The following SLC14A2 variants were observed in gnomAD, a reference collection of about 807,000 sequenced individuals.
The protein encoded by SLC14A2 is solute carrier family 14 member 2.
In SLC14A2, 91 loss-of-function variants were observed where a neutral mutation model predicts 104.6. The ratio of observed to expected loss-of-function variants is 0.87; its 90% CI spans 0.73 to 1.04. The LOEUF is 1.04. Among genes scored for constraint, SLC14A2 ranks in the 50% least tolerant of loss-of-function variants. The pLI is 0.00. For synonymous variants in SLC14A2, 476 were observed against 466.4 expected (o/e 1.02, Z -0.27); for missense variants, 1,189 against 1,156.0 (o/e 1.03, Z -0.41).
intron 2 of SLC14A2, among the ~76,000 whole-genome samples, chr18:45,531,586 G>C (rs2043688388): frequency 1.3e-5 from 2 of 152,168 alleles, no homozygotes; most frequent in Non-Finnish European, 2.9e-5. Context: ...GTTCATTGTA[G>C]ATTCTGGATA....
chr18:45,453,763 A>T (rs564693521), intron 1 of SLC14A2, among the ~76,000 whole-genome samples: 1 of 151,908 alleles, frequency 6.6e-6, no homozygotes, highest in South Asian at 2.1e-4. Flanking sequence ...CACATCTTGC[A>T]TTCACAGTGC....
At chr18:45,232,774 A>C (rs1233785615) in intron 1 of SLC14A2, among the ~76,000 whole-genome samples, 4 of 152,288 alleles carry the variant, frequency 2.6e-5, no homozygotes, top group African/African-American at 4.8e-5. Flanking sequence ...TAGCCAGCTC[A>C]AGGCTGGATG....
chr18:45,465,056 G>A (rs1395703627), intron 1 of SLC14A2, among the ~76,000 whole-genome samples: 1 of 152,116 alleles, frequency 6.6e-6, no homozygotes, highest in Non-Finnish European at 1.5e-5. Flanking sequence ...GACAATGGAA[G>A]GGACAGCTAG....
chr18:45,407,187 T>C (rs1222063084), intron 1 of SLC14A2, among the ~76,000 whole-genome samples: 1 of 152,236 alleles, frequency 6.6e-6, no homozygotes, highest in Non-Finnish European at 1.5e-5. Flanking sequence ...CCTTCATCAA[T>C]GATCTTGGCT....
At chr18:45,304,004 A>T (rs974084320) in intron 1 of SLC14A2, among the ~76,000 whole-genome samples, 14 of 152,204 alleles carry the variant, frequency 9.2e-5, no homozygotes, top group African/African-American at 3.4e-4. Context: ...AACCCAACTG[A>T]TGGAAGAGAT....
intron 2 of SLC14A2, among the ~76,000 whole-genome samples, chr18:45,558,523 T>A (rs1413979941): frequency 6.6e-6 from 1 of 152,046 alleles, no homozygotes; most frequent in Non-Finnish European, 1.5e-5. Flanking sequence ...AGAAACTGAG[T>A]GTAGAGCAGA....
chr18:45,175,661 G>A, the SLC14A2 span, among the ~76,000 whole-genome samples: 1 of 152,144 alleles, frequency 6.6e-6, no homozygotes, highest in Non-Finnish European at 1.5e-5. Context: ...GGTTCAGTAA[G>A]TCACACCACA....
intron 1 of SLC14A2, among the ~76,000 whole-genome samples, chr18:45,452,896 A>G (rs555367001): frequency 6.6e-6 from 1 of 152,350 alleles, no homozygotes; most frequent in South Asian, 2.1e-4. Flanking sequence ...TTAGAACTCA[A>G]GTGAAGGGCA....
chr18:45,316,623 A>G lies in SLC14A2; in HGVS notation c.-125+103432A>G, dbSNP rs561807437. Among the ~76,000 whole-genome samples the G allele has an allele frequency of 2.0e-5, 3 of 152,300 alleles. No individual in the cohort carries two copies. In the East Asian group the frequency reaches 5.8e-4, roughly 29 times the overall value. ...GATGCGTGGACCTACCTGGAGCTTC[A>G]AAAATTTACAAGTGTGAGAATTCTG... On this transcript the variant is annotated intron_variant, in intron 1 of 20. Coordinates refer to the SLC14A2 transcript ENST00000586448.
chr18:45,422,674 T>C (rs953966987), intron 1 of SLC14A2, among the ~76,000 whole-genome samples: 1 of 152,158 alleles, frequency 6.6e-6, no homozygotes, highest in Non-Finnish European at 1.5e-5. Flanking sequence ...AGAAGGCCAA[T>C]GTCAAGACTG....
intron 2 of SLC14A2, among the ~76,000 whole-genome samples, chr18:45,488,027 AT>A (rs1466317743): frequency 2.0e-5 from 3 of 152,230 alleles, no homozygotes; most frequent in Non-Finnish European, 4.4e-5. Flanking sequence ...TGTGAAAAAA[AT>A]AAAAGGTCAG....
intron 1 of SLC14A2, among the ~76,000 whole-genome samples, chr18:45,248,042 CT>C (rs1207367993): frequency 1.2e-4 from 19 of 152,132 alleles, no homozygotes; most frequent in Non-Finnish European, 4.4e-5. Context: ...AAAAAAACCC[CT>C]TTCTATCAGT....
intron 2 of SLC14A2, among the ~76,000 whole-genome samples, chr18:45,583,969 A>G (rs1363692011): frequency 6.6e-6 from 1 of 152,268 alleles, no homozygotes; most frequent in Non-Finnish European, 1.5e-5. Flanking sequence ...GAAAAATTTA[A>G]TAATGTGTTT....
At chr18:45,267,322 G>A (rs114423168) in intron 1 of SLC14A2, among the ~76,000 whole-genome samples, 20 of 152,084 alleles carry the variant, frequency 1.3e-4, no homozygotes, top group Admixed American at 2.6e-4. Context: ...CATGCTCTGC[G>A]GCCTCATTTG....
At chr18:45,274,602 C>A (rs2084683567) in intron 1 of SLC14A2, among the ~76,000 whole-genome samples, 2 of 152,212 alleles carry the variant, frequency 1.3e-5, no homozygotes, top group Non-Finnish European at 2.9e-5. Flanking sequence ...CAAGCTCTAA[C>A]AAATTCTTAC....
chr18:45,197,739 C>T, the SLC14A2 span, among the ~76,000 whole-genome samples: 2 of 152,192 alleles, frequency 1.3e-5, no homozygotes, highest in African/African-American at 2.4e-5. Flanking sequence ...GCGTCTCATT[C>T]ATTGCTTGAA....
chr18:45,614,231 A>G (rs2045022364), upstream of SLC14A2, among the ~76,000 whole-genome samples: 1 of 152,260 alleles, frequency 6.6e-6, no homozygotes, highest in South Asian at 2.1e-4. Context: ...CACAGAAGTC[A>G]AGAATTGAGG....
intron 16 of SLC14A2, among the ~76,000 whole-genome samples, chr18:45,671,158 G>T (rs1176596909): frequency 1.3e-5 from 2 of 152,110 alleles, no homozygotes; most frequent in African/African-American, 4.8e-5. Flanking sequence ...AGAAAATGCA[G>T]ATTTTAGATA....
chr18:45,538,264 T>G (rs912883681), intron 2 of SLC14A2, among the ~76,000 whole-genome samples: 5 of 152,326 alleles, frequency 3.3e-5, no homozygotes, highest in Non-Finnish European at 7.4e-5. Context: ...CTTTGAAATA[T>G]GGTTGCCTCT....
Sources: allele counts gnomAD v4.1 joint callset (sites outside exome capture counted in the v4.1 genomes callset), GRCh38; gene constraint gnomAD v4.1.1; transcripts MANE v1.5; gene names NCBI Gene and HGNC (gene_info 2026-07-23, HGNC 2026-07-21).